Variants in IGSF3 observed in about 807,000 individuals in gnomAD.
IGSF3 encodes immunoglobulin superfamily member 3, also known as glu-Trp-Ile EWI motif-containing protein 3.
In IGSF3, 23 loss-of-function variants were observed where a neutral mutation model predicts 114.4. The ratio of observed to expected loss-of-function variants is 0.20; its 90% CI spans 0.14 to 0.28. The LOEUF (loss-of-function observed/expected upper bound fraction) is 0.28, where lower values mean the gene tolerates loss of function less well. IGSF3 is among the 10% of genes least tolerant of loss of function. IGSF3 has a pLI of 1.00. For missense variants in IGSF3, 1,172 were observed against 1,591.5 expected (o/e 0.74, Z 4.48); for synonymous variants, 571 against 645.2 (o/e 0.88, Z 1.74).
intron 2 of IGSF3, among the ~76,000 whole-genome samples, chr1:116,643,114 G>A (rs866591470): frequency 6.6e-5 from 10 of 152,156 alleles, no homozygotes; most frequent in African/African-American, 2.2e-4. Context: ...TGCAGGCTCC[G>A]CTGTTGAGTC....
chr1:116,664,120 GAGAA>G lies in IGSF3; in HGVS notation c.43+2160_43+2163del, dbSNP rs768969088. The stretch of plus-strand genomic sequence containing the variant: ...GCCATACTGAGAGCCATCAGGTGAA[GAGAA>G]AGATGAGGTTCCACCAGTGGGGCTC... On this transcript the variant is annotated intron_variant, in intron 2 of 10. Transcript: ENST00000369486. This position sits in a 1 kb window ranked among gnomAD's most constrained non-coding sequence, Gnocchi z 4.6. Among the ~76,000 whole-genome samples the G allele has an allele frequency of 6.6e-6, 1 of 152,210 alleles. No homozygotes were observed. The highest frequency in any genetic ancestry group is 2.1e-4 in the South Asian group (1 of 4,834).
intron 9 of IGSF3, among the ~76,000 whole-genome samples, chr1:116,580,236 G>A (rs1042503123): frequency 4.6e-5 from 7 of 152,216 alleles, no homozygotes; most frequent in Admixed American, 6.5e-5. Context: ...ACCCCTTGTA[G>A]TGGCTGAATA....
rs1455714384 is a variant in IGSF3 at position 116,595,927 on chromosome 1, G to T, written c.2029+4014C>A. ...GTCTTGCCTAAGCACCCCTTGAGGG[G>T]TCACACTATGTGATCAATGGGGATC... On this transcript the variant is annotated intron_variant, in intron 7 of 10. Transcript: ENST00000369486. The surrounding 1 kb of genome is among the most constrained non-coding windows in gnomAD (Gnocchi z 4.2). Among the ~76,000 whole-genome samples the T allele has an allele frequency of 6.6e-6, 1 of 152,232 alleles. No homozygotes were observed. Among genetic ancestry groups the T allele is most frequent in the Non-Finnish European group, 1.5e-5 (1 of 68,034 alleles).
Position 116,585,098 on chromosome 1 carries a change from A to G in IGSF3, c.2441-46T>C. 6.9e-7 allele frequency: 1 copy of G among 1,443,726 alleles called. No homozygotes were observed. The highest frequency in any genetic ancestry group is 9.3e-7 in the Non-Finnish European group (1 of 1,077,300). 89.4% of individuals were successfully genotyped at this position (1,443,726 alleles called of 1,614,324 possible). A position where few individuals can be genotyped will look rare whatever the true frequency, so the allele number is the denominator to read the frequency against. On this transcript the variant is annotated intron_variant, in intron 8 of 10. Transcript: ENST00000369486. The surrounding 1 kb of genome is among the most constrained non-coding windows in gnomAD (Gnocchi z 4.9). ...CGTCAGCGACAAAAGGACAACAAGC[A>G]ATTCGTACGCACCCTTTCCCAGGGT...
rs1660265208 is a variant in IGSF3 at position 116,594,670 on chromosome 1, G to A, written c.2029+5271C>T. ...GCCGTCTGGTCTGTCCTTGCTTTTAGCTATTACATATGCCCACCCTCACCC... is the reference window on the plus strand; with the variant it reads ...GCCGTCTGGTCTGTCCTTGCTTTTAACTATTACATATGCCCACCCTCACCC... On this transcript the variant is annotated intron_variant, in intron 7 of 10. Coordinates refer to ENST00000369486, the MANE Select transcript of IGSF3 (RefSeq NM_001007237.3). The surrounding 1 kb of genome is among the most constrained non-coding windows in gnomAD (Gnocchi z 5.2). Among the ~76,000 whole-genome samples the A allele has an allele frequency of 6.6e-6, 1 of 152,154 alleles. No individual in the cohort carries two copies. Among genetic ancestry groups the A allele is most frequent in the Non-Finnish European group, 1.5e-5 (1 of 68,034 alleles).
rs1211233208 is a variant in IGSF3 at position 116,625,120 on chromosome 1, T to C, written c.44-8663A>G. 6.6e-6 allele frequency among the ~76,000 whole-genome samples: 1 copy of C among 152,256 alleles called. No homozygotes were observed. Among genetic ancestry groups the C allele is most frequent in the Non-Finnish European group, 1.5e-5 (1 of 68,044 alleles). ...AGAAAGGTAACAAGAACATATGCTA[T>C]GGCTTCAATCAACATTTTTTTCAGT... is the stretch of plus-strand genomic sequence containing the variant. On this transcript the variant is annotated intron_variant, in intron 2 of 10. Transcript: ENST00000369486. This position sits in a 1 kb window ranked among gnomAD's most constrained non-coding sequence, Gnocchi z 4.7.
Position 116,615,309 on chromosome 1 carries a change from A to G in IGSF3, c.421+771T>C, listed in dbSNP as rs1474040490. 6.6e-6 allele frequency among the ~76,000 whole-genome samples: 1 copy of G among 150,806 alleles called. No homozygotes were observed. The highest frequency in any genetic ancestry group is 2.0e-4 in the East Asian group (1 of 5,126). On this transcript the variant is annotated intron_variant, in intron 3 of 10. Transcript: ENST00000369486. The surrounding 1 kb of genome is among the most constrained non-coding windows in gnomAD (Gnocchi z 4.3). ...CATACACACACACACACACACACGA[A>G]AAAAAAAAGGTCTCCTGCTGGGACA...
In IGSF3 at chr1:116,608,098, C is replaced by G. The variant is rs139884186; in HGVS notation, c.1066G>C (p.Asp356His). 8.9e-5 allele frequency: 143 copies of G among 1,613,932 alleles called. No homozygotes were observed. In the East Asian group the frequency reaches 2.7e-3, roughly 30 times the overall value. Residue 356 changes from aspartate (D) to histidine (H), a missense_variant, in exon 5 of 11, where the codon GAC becomes CAC. Around this residue, in one of 3 missense-constraint regions of IGSF3, gnomAD observed 736 missense variants for 1,042.0 expected, o/e 0.71. Coordinates refer to ENST00000369486, the MANE Select transcript of IGSF3 (RefSeq NM_001007237.3). ...TAGATCTTCAGCACAAAGACACTGT[C>G]GCTCTCTTTGGCCACCTTAAGCTGT... is the stretch of plus-strand genomic sequence containing the variant. ...RGQLKVAKES[D>H]SVFVLKIYHL...
In IGSF3 at chr1:116,624,197, T is replaced by C. The variant is rs1217426401; in HGVS notation, c.44-7740A>G. Among the ~76,000 whole-genome samples, 1 of 151,128 alleles carries C rather than the reference T, an allele frequency of 6.6e-6. No homozygotes were observed. The highest frequency in any genetic ancestry group is 2.4e-5 in the African/African-American group (1 of 40,866). On this transcript the variant is annotated intron_variant, in intron 2 of 10. Transcript: ENST00000369486. This position sits in a 1 kb window ranked among gnomAD's most constrained non-coding sequence, Gnocchi z 4.9. The stretch of plus-strand genomic sequence containing the variant: ...CCAGCCTGGGTGACAGAGCGAGATC[T>C]TGTCTCAAAAAAAAAAAAAAAATGG...
rs1404665266 is a variant in IGSF3 at position 116,625,023 on chromosome 1, C to T, written c.44-8566G>A. ...CATGCCTGCTGTGCCTCTAAATTCTCGACCCACAGATTCTGTGAGCATAAC... is the reference window on the plus strand; with the variant it reads ...CATGCCTGCTGTGCCTCTAAATTCTTGACCCACAGATTCTGTGAGCATAAC... On this transcript the variant is annotated intron_variant, in intron 2 of 10. Transcript: ENST00000369486. This position sits in a 1 kb window ranked among gnomAD's most constrained non-coding sequence, Gnocchi z 4.7. Among the ~76,000 whole-genome samples, 2 of 152,238 alleles carry T rather than the reference C, an allele frequency of 1.3e-5. No homozygotes were observed. Among genetic ancestry groups the T allele is most frequent in the Non-Finnish European group, 2.9e-5 (2 of 68,040 alleles).
At chr1:116,653,427 C>T (rs1194297812) in intron 2 of IGSF3, among the ~76,000 whole-genome samples, 1 of 152,174 alleles carries the variant, frequency 6.6e-6, no homozygotes, top group Admixed American at 6.5e-5. Flanking sequence ...CTTACTTCCC[C>T]CCAAATCAGA....
chr1:116,659,507 A>T (rs1460643819), intron 2 of IGSF3, among the ~76,000 whole-genome samples: 1 of 152,224 alleles, frequency 6.6e-6, no homozygotes, highest in African/African-American at 2.4e-5. Context: ...AGATTTCCTT[A>T]AAGTAAAAAC....
chr1:116,618,111 G>A lies in IGSF3; in HGVS notation c.44-1654C>T, dbSNP rs549246710. Among the ~76,000 whole-genome samples the A allele has an allele frequency of 3.3e-5, 5 of 152,290 alleles. No individual in the cohort carries two copies. The highest frequency in any genetic ancestry group is 1.2e-4 in the African/African-American group (5 of 41,554). On this transcript the variant is annotated intron_variant, in intron 2 of 10. Transcript: ENST00000369486. This position sits in a 1 kb window ranked among gnomAD's most constrained non-coding sequence, Gnocchi z 4.7. ...CTGCAAGATGACAGACCTCAAAAAC[G>A]GCCCATACAATGAAATGCCCATGGC...
At chr1:116,643,511 G>A (rs937218207) in intron 2 of IGSF3, among the ~76,000 whole-genome samples, 2 of 152,272 alleles carry the variant, frequency 1.3e-5, no homozygotes, top group African/African-American at 4.8e-5. Flanking sequence ...GTCAGCCTGA[G>A]GCTAGCAGGA....
Position 116,662,452 on chromosome 1 carries a change from T to C in IGSF3, c.43+3832A>G, listed in dbSNP as rs1240488767. On this transcript the variant is annotated intron_variant, in intron 2 of 10. Transcript: ENST00000369486. The surrounding 1 kb of genome is among the most constrained non-coding windows in gnomAD (Gnocchi z 4.3). ...AATGCAAGGTATCTATCTTACAGGG[T>C]TGTTTTGAAGACTGATTGATATAGT... 1.3e-5 allele frequency among the ~76,000 whole-genome samples: 2 copies of C among 152,134 alleles called. No individual in the cohort carries two copies. Among genetic ancestry groups the C allele is most frequent in the Non-Finnish European group, 2.9e-5 (2 of 68,022 alleles).
At position 116,657,463 on chromosome 1, in the gene IGSF3, C is replaced by CAT. The variant is rs112955179; in HGVS notation, c.43+8819_43+8820dup. Among the ~76,000 whole-genome samples, 47,128 of 151,966 alleles carry CAT rather than the reference C, an allele frequency of 0.31. 8,232 individuals carry two copies. The highest frequency in any genetic ancestry group is 0.46 in the African/African-American group (18,951 of 41,388). ...GGGCTAAGCAACCTAATGGATCAAA[C>CAT]ATGTGTGCTTTGGTCATCCGCAACC... On this transcript the variant is annotated intron_variant, in intron 2 of 10. Transcript: ENST00000369486. The surrounding 1 kb of genome is among the most constrained non-coding windows in gnomAD (Gnocchi z 4.2).
rs759946200 is a variant in IGSF3, at chr1:116,651,683, T to C, written c.43+14601A>G. 2.6e-5 allele frequency among the ~76,000 whole-genome samples: 4 copies of C among 152,160 alleles called. No homozygotes were observed. Among genetic ancestry groups the C allele is most frequent in the Non-Finnish European group, 5.9e-5 (4 of 68,028 alleles). ...TTCGACTGCTTCTGACCTATCAAAA[T>C]GGCAATAAAGCTCAACTTAATATTT... On this transcript the variant is annotated intron_variant, in intron 2 of 10. Transcript: ENST00000369486. The surrounding 1 kb of genome is among the most constrained non-coding windows in gnomAD (Gnocchi z 4.4).
rs867830108 is a variant in IGSF3 at position 116,610,728 on chromosome 1, T to G, written c.833-2397A>C. On this transcript the variant is annotated intron_variant, in intron 4 of 10. Coordinates refer to ENST00000369486, the MANE Select transcript of IGSF3 (RefSeq NM_001007237.3). The surrounding 1 kb of genome is among the most constrained non-coding windows in gnomAD (Gnocchi z 4.3). ...TCTGGTCACCTCTTACTGCTGCTGT[T>G]CTCCCAGGTCCTTTCCCATTTTTAC... Among the ~76,000 whole-genome samples the G allele has an allele frequency of 1.3e-5, 2 of 152,152 alleles. No homozygotes were observed. Among genetic ancestry groups the G allele is most frequent in the African/African-American group, 4.8e-5 (2 of 41,492 alleles).
rs923895909 is a variant in IGSF3 at position 116,666,535 on chromosome 1, T to C, written c.-209A>G. ...GGAGGCAAGTGTGAAAACTCCCCTA[T>C]GCTACAGGAAGGGTCCACAACAATT... On this transcript the variant is annotated 5_prime_UTR_variant, in exon 2 of 11. Coordinates refer to ENST00000369486, the MANE Select transcript of IGSF3 (RefSeq NM_001007237.3). 22 of 617,300 alleles carry C rather than the reference T, an allele frequency of 3.6e-5. No individual in the cohort carries two copies. The highest frequency in any genetic ancestry group is 5.7e-5 in the Admixed American group (2 of 34,980). The allele number at this position is 617,300 out of a possible 1,614,324, so 38.2% of individuals were successfully genotyped here.
Sources: allele counts gnomAD v4.1 joint callset (sites outside exome capture counted in the v4.1 genomes callset), GRCh38; gene constraint gnomAD v4.1.1; regional missense constraint gnomAD v4.1.1; non-coding constraint Gnocchi (gnomAD v3.1); transcripts MANE v1.5; gene names NCBI Gene and HGNC (gene_info 2026-07-23, HGNC 2026-07-21).